ANK1: variants seen among roughly 807,000 people sequenced by gnomAD.
The protein encoded by ANK1 is ankyrin-1.
A neutral mutation model predicts 210.4 loss-of-function variants in ANK1; 51 were observed. The observed-to-expected ratio is 0.24, with a 90% CI of 0.19 to 0.31. The LOEUF is 0.31. Among genes scored for constraint, ANK1 ranks in the 10% least tolerant of loss-of-function variants. The probability of loss-of-function intolerance (pLI) is 1.00; values close to 1 mark genes in which losing one functional copy is unlikely to be tolerated. For synonymous variants in ANK1, 967 were observed against 1,025.9 expected, an observed-to-expected ratio of 0.94 and a Z score of 1.10; for missense variants, 2,051 against 2,504.4, an observed-to-expected ratio of 0.82 and a Z score of 3.86.
At chr8:41,686,745 T>C (rs1031201150) in intron 35 of ANK1, among the ~76,000 whole-genome samples, 1 of 152,206 alleles carries the variant, frequency 6.6e-6, no homozygotes, top group Admixed American at 6.5e-5. Flanking sequence ...AATGGACTCC[T>C]GAGCTTATGC....
intron 1 of ANK1, among the ~76,000 whole-genome samples, chr8:41,805,657 A>G (rs1331200785): frequency 6.6e-6 from 1 of 152,264 alleles, no homozygotes; most frequent in Non-Finnish European, 1.5e-5. Context: ...TGAACATAGC[A>G]TAATAAACCA....
At chr8:41,802,977 A>AAAGG (rs1850158982) in intron 1 of ANK1, among the ~76,000 whole-genome samples, 1 of 101,892 alleles carries the variant, frequency 9.8e-6, no homozygotes, top group Non-Finnish European at 2.2e-5. Flanking sequence ...GAGAGATGAA[A>AAAGG]AAAGAAAGAG....
rs945149553 is a variant in ANK1 at position 41,840,719 on chromosome 8, C to T, written c.126+55636G>A. 3.9e-5 allele frequency among the ~76,000 whole-genome samples: 6 copies of T among 152,202 alleles called. 1 individual carries two copies. The South Asian group carries it at 6.2e-4, about 16-fold the overall frequency. On this transcript the variant is annotated intron_variant, in intron 1 of 42. Coordinates refer to the ANK1 transcript ENST00000265709. ...TCCCAAAGGTGGGGTCTCCAAAGAC[C>T]GCCACACTGGGAACTAGAGCTTCAA...
At chr8:41,826,480 C>T (rs1292729139) in intron 1 of ANK1, among the ~76,000 whole-genome samples, 2 of 152,148 alleles carry the variant, frequency 1.3e-5, no homozygotes, top group African/African-American at 4.8e-5. Flanking sequence ...GTCTCTGCTG[C>T]CTGGGCCTCT....
At chr8:41,831,647 AAAAAAAAAGAAG>A (rs1420851594) in intron 1 of ANK1, among the ~76,000 whole-genome samples, 1,952 of 131,910 alleles carry the variant, frequency 0.015, 48 homozygotes, top group African/African-American at 0.052. Flanking sequence ...GTCAAAAAAA[AAAAAAAAAGAAG>A]AAGAAAAAGA....
chr8:41,655,651 C>T lies in ANK1; in HGVS notation c.*139G>A. 1 of 1,551,568 alleles carries T rather than the reference C, an allele frequency of 6.4e-7. No homozygotes were observed. Among genetic ancestry groups the T allele is most frequent in the East Asian group, 2.2e-5 (1 of 44,524 alleles). ...CCTTACAGAGGTCATGCCGTCAGCCCAGAGGAATGTGTGCACCGCTGCGGT... is the reference window on the plus strand; with the variant it reads ...CCTTACAGAGGTCATGCCGTCAGCCTAGAGGAATGTGTGCACCGCTGCGGT... On this transcript the variant is annotated 3_prime_UTR_variant, in exon 43 of 43. Coordinates refer to ENST00000289734, the MANE Select transcript of ANK1 (RefSeq NM_000037.4).
At chr8:41,760,068 T>C (rs780363465) in intron 1 of ANK1, among the ~76,000 whole-genome samples, 1 of 152,204 alleles carries the variant, frequency 6.6e-6, no homozygotes. Context: ...TGCTGCTACG[T>C]CACCCACCCC....
chr8:41,825,452 C>T (rs185199017), intron 1 of ANK1, among the ~76,000 whole-genome samples: 406 of 152,292 alleles, frequency 2.7e-3, no homozygotes, highest in Non-Finnish European at 3.6e-3. Context: ...CCATGTCCAC[C>T]GTACAGTCAG....
chr8:41,787,898 C>G (rs557606189), intron 1 of ANK1, among the ~76,000 whole-genome samples: 1 of 152,044 alleles, frequency 6.6e-6, no homozygotes, highest in African/African-American at 2.4e-5. Context: ...GGAAAAACAC[C>G]AGTGACCTAG....
chr8:41,752,067 T>C (rs551702752), intron 2 of ANK1, among the ~76,000 whole-genome samples: 2 of 152,276 alleles, frequency 1.3e-5, no homozygotes, highest in East Asian at 3.9e-4. Context: ...AGAAACCACA[T>C]GGCGCTCTCC....
At position 41,690,330 on chromosome 8, in the gene ANK1, C is replaced by T. The variant is rs142517120; in HGVS notation, c.4001G>A (p.Arg1334Gln). 3.7e-6 allele frequency: 6 copies of T among 1,614,140 alleles called. No homozygotes were observed. The highest frequency in any genetic ancestry group is 3.3e-5 in the South Asian group (3 of 91,092). ...AMPVKVRDSS[R>Q]EPGGSLSFLR... ...AAACGACAGGGACCCTCCCGGCTCT[C>T]GACTGCTGTCCCTCACCTAAACTCA... The change falls in exon 33 of 43, where the codon CGA becomes CAA. Residue 1334 changes from arginine (R) to glutamine (Q), a missense_variant. By Grantham distance (43) the Arg-to-Gln change is conservative (BLOSUM62 1). This residue lies in a region of ANK1 where 1,413 missense variants were observed against 1,707.4 expected (regional missense o/e 0.83). Transcript: ENST00000289734.
At chr8:41,685,295 C>G (rs919711360) in intron 36 of ANK1, among the ~76,000 whole-genome samples, 2 of 152,202 alleles carry the variant, frequency 1.3e-5, no homozygotes, top group African/African-American at 4.8e-5. Context: ...AAGAGGAGCA[C>G]TACAAGAAAA....
intron 1 of ANK1, among the ~76,000 whole-genome samples, chr8:41,856,899 T>TTTTTTTTTTTTTTTTA (rs1812287389): frequency 1.0e-5 from 1 of 96,088 alleles, no homozygotes; most frequent in African/African-American, 4.8e-5. Flanking sequence ...TTTTTTTTTT[T>TTTTTTTTTTTTTTTTA]GAGACAGGGA....
chr8:41,752,380 C>T (rs1297394495), intron 2 of ANK1, among the ~76,000 whole-genome samples: 1 of 152,184 alleles, frequency 6.6e-6, no homozygotes, highest in Admixed American at 6.5e-5. Flanking sequence ...GCCTTTCCTC[C>T]CTGCTCTCAT....
At chr8:41,669,910 G>A (rs974826485) in intron 38 of ANK1, among the ~76,000 whole-genome samples, 2 of 152,034 alleles carry the variant, frequency 1.3e-5, no homozygotes, top group South Asian at 2.1e-4. Context: ...CACGTGCCAG[G>A]CACGGTCTCC....
chr8:41,727,862 C>T lies in ANK1; in HGVS notation c.327+46G>A, dbSNP rs768300687. ...ACGAGGGAGCAGCAAAGAGGAACCACCTGTGGAAAGGCAACACCCTCTAGT... is the reference window on the plus strand; with the variant it reads ...ACGAGGGAGCAGCAAAGAGGAACCATCTGTGGAAAGGCAACACCCTCTAGT... On this transcript the variant is annotated intron_variant, in intron 4 of 42. Transcript: ENST00000289734. The T allele has an allele frequency of 3.4e-5, 54 of 1,593,116 alleles. No individual in the cohort carries two copies. The Admixed American group carries it at 8.0e-4, about 24-fold the overall frequency.
chr8:41,704,304 G>A lies in ANK1; in HGVS notation c.2196+70C>T, dbSNP rs1396378436. 4.0e-6 allele frequency: 6 copies of A among 1,500,296 alleles called. No individual in the cohort carries two copies. Among genetic ancestry groups the A allele is most frequent in the Non-Finnish European group, 4.6e-6 (5 of 1,077,404 alleles). The allele number at this position is 1,500,296 out of a possible 1,614,324, so 92.9% of individuals were successfully genotyped here. A position where few individuals can be genotyped will look rare whatever the true frequency, so the allele number is the denominator to read the frequency against. ...TCAAAACCCTAGTGCTCCCAGAGCA[G>A]CTCTGGCTTTACCCTGATGTGGCAT... On this transcript the variant is annotated intron_variant, in intron 19 of 42. Coordinates refer to ENST00000289734, the MANE Select transcript of ANK1 (RefSeq NM_000037.4). The surrounding 1 kb of genome is among the most constrained non-coding windows in gnomAD (Gnocchi z 4.1).
chr8:41,717,846 G>A, intron 11 of ANK1, 144 bp from the exon 12 acceptor site: 1 of 947,016 alleles, frequency 1.1e-6, no homozygotes. Context: ...CCAAGAAAAT[G>A]GTTGGAGAAA....
At chr8:41,761,172 T>C (rs1840317781) in intron 1 of ANK1, among the ~76,000 whole-genome samples, 1 of 145,790 alleles carries the variant, frequency 6.9e-6, no homozygotes, top group South Asian at 2.2e-4. Flanking sequence ...TATGCACACA[T>C]GCACACACAG....
Sources: allele counts gnomAD v4.1 joint callset (sites outside exome capture counted in the v4.1 genomes callset), GRCh38; gene constraint gnomAD v4.1.1; regional missense constraint gnomAD v4.1.1; non-coding constraint Gnocchi (gnomAD v3.1); transcripts MANE v1.5; gene names NCBI Gene and HGNC (gene_info 2026-07-23, HGNC 2026-07-21).